LRRC20: variants seen among roughly 807,000 people sequenced by gnomAD.
LRRC20 encodes leucine rich repeat containing 20.
A neutral mutation model predicts 14.4 loss-of-function variants in LRRC20; 11 were observed. That is an observed-to-expected ratio of 0.77 (90% CI 0.48 to 1.27). The LOEUF is 1.27. Ranked by LOEUF, LRRC20 falls within the 50% of genes most tolerant of loss-of-function variation. The pLI, the probability that LRRC20 is intolerant of heterozygous loss-of-function variation, is 0.00. For synonymous variants in LRRC20, 121 were observed against 107.3 expected (o/e 1.13, Z -0.79); for missense variants, 219 against 251.2 (o/e 0.87, Z 0.87).
intron 2 of LRRC20, among the ~76,000 whole-genome samples, chr10:70,372,595 C>T (rs188897818): frequency 0.011 from 1,682 of 151,992 alleles, 37 homozygotes; most frequent in African/African-American, 0.038. Flanking sequence ...GTGCCCGCCA[C>T]CACGCCCGGC....
intron 2 of LRRC20, among the ~76,000 whole-genome samples, chr10:70,355,836 C>CG (rs1293079648): frequency 2.0e-5 from 3 of 152,110 alleles, no homozygotes; most frequent in African/African-American, 7.2e-5. Context: ...GCAAAGCTCA[C>CG]GGGAGCTGCT....
At position 70,380,298 on chromosome 10, in the gene LRRC20, C is replaced by T. The variant is rs199674157; in HGVS notation, c.-64+2251G>A. On this transcript the variant is annotated intron_variant, in intron 1 of 4. Transcript: ENST00000446961. ...CAGAGGATGGAGGATGCTCTGAGTACAGCAAAAATGTGCTCGGGACCCCCA... is the reference window on the plus strand; with the variant it reads ...CAGAGGATGGAGGATGCTCTGAGTATAGCAAAAATGTGCTCGGGACCCCCA... Among the ~76,000 whole-genome samples the T allele has an allele frequency of 2.4e-4, 36 of 152,314 alleles. No individual in the cohort carries two copies. The East Asian group carries it at 6.4e-3, about 27-fold the overall frequency.
intron 4 of LRRC20, among the ~76,000 whole-genome samples, chr10:70,321,596 C>T (rs1019467437): frequency 6.6e-6 from 1 of 152,246 alleles, no homozygotes; most frequent in African/African-American, 2.4e-5. Flanking sequence ...ATCAGTCAAG[C>T]TCTTTCAGGA....
intron 1 of LRRC20, among the ~76,000 whole-genome samples, chr10:70,377,461 A>G (rs975790183): frequency 4.6e-5 from 7 of 152,230 alleles, no homozygotes; most frequent in African/African-American, 1.7e-4. Context: ...GGCCAAGGTC[A>G]AAGTGAGTAA....
intron 1 of LRRC20, among the ~76,000 whole-genome samples, chr10:70,380,772 G>C (rs1844671184): frequency 6.6e-6 from 1 of 152,216 alleles, no homozygotes; most frequent in Non-Finnish European, 1.5e-5. Context: ...ATCCTGGTCC[G>C]GTGAAATGTT....
intron 2 of LRRC20, among the ~76,000 whole-genome samples, chr10:70,363,218 T>C (rs1354167004): frequency 7.3e-6 from 1 of 137,630 alleles, no homozygotes; most frequent in Non-Finnish European, 1.5e-5. Context: ...TTTGAGCCAC[T>C]GCACTCCAGC....
intron 3 of LRRC20, among the ~76,000 whole-genome samples, chr10:70,332,635 C>T (rs746369123): frequency 2.6e-5 from 4 of 152,166 alleles, no homozygotes; most frequent in Non-Finnish European, 5.9e-5. Context: ...CAGAGGGAGA[C>T]CTGTTTCAAA....
intron 2 of LRRC20, among the ~76,000 whole-genome samples, chr10:70,368,958 T>C (rs542528027): frequency 1.3e-5 from 2 of 152,304 alleles, no homozygotes; most frequent in African/African-American, 4.8e-5. Flanking sequence ...CCTACAATCC[T>C]GATGTTGGTT....
At chr10:70,349,621 G>A (rs1468661582) in intron 2 of LRRC20, among the ~76,000 whole-genome samples, 2 of 152,152 alleles carry the variant, frequency 1.3e-5, no homozygotes. Context: ...TAACAGCACT[G>A]AGTATTTGCT....
intron 2 of LRRC20, among the ~76,000 whole-genome samples, chr10:70,345,733 C>T (rs937711024): frequency 4.6e-5 from 7 of 152,118 alleles, no homozygotes; most frequent in African/African-American, 1.7e-4. Flanking sequence ...GTAACCTATC[C>T]AACAAATAAT....
At chr10:70,365,413 T>C (rs1007062395) in intron 2 of LRRC20, among the ~76,000 whole-genome samples, 4 of 152,192 alleles carry the variant, frequency 2.6e-5, no homozygotes, top group East Asian at 3.8e-4. Context: ...GCTTAACCAA[T>C]AACCAAATGA....
chr10:70,334,275 C>G (rs924952809), intron 3 of LRRC20, among the ~76,000 whole-genome samples: 1 of 152,210 alleles, frequency 6.6e-6, no homozygotes, highest in African/African-American at 2.4e-5. Context: ...CCTGCACATT[C>G]CTGAGCCCCC....
intron 2 of LRRC20, among the ~76,000 whole-genome samples, chr10:70,345,450 C>A (rs1843041533): frequency 1.3e-5 from 2 of 151,560 alleles, no homozygotes; most frequent in African/African-American, 4.9e-5. Flanking sequence ...CACAAAGGAA[C>A]AGATCAACAA....
At chr10:70,332,214 GC>G (rs774085196) in intron 3 of LRRC20, among the ~76,000 whole-genome samples, 279 of 152,308 alleles carry the variant, frequency 1.8e-3, no homozygotes, top group Non-Finnish European at 2.5e-3. Context: ...GACAGCTGCT[GC>G]CCACAGGGGT....
chr10:70,371,869 G>A (rs10740340), intron 2 of LRRC20, among the ~76,000 whole-genome samples: 114,640 of 151,912 alleles, frequency 0.75, 43,383 homozygotes, highest in Non-Finnish European at 0.77. Flanking sequence ...TGGGATCCTC[G>A]CCTCGAGTTA....
chr10:70,322,449 TC>T (rs1301110615), intron 4 of LRRC20, among the ~76,000 whole-genome samples: 2 of 152,094 alleles, frequency 1.3e-5, no homozygotes, highest in Non-Finnish European at 2.9e-5. Context: ...GGCAAAGGGC[TC>T]AAAAGCAAGC....
chr10:70,312,498 A>G (rs10823516), intron 4 of LRRC20, among the ~76,000 whole-genome samples: 88,787 of 151,936 alleles, frequency 0.58, 26,188 homozygotes, highest in Middle Eastern at 0.7. Context: ...GGTGGGGCAG[A>G]AGCAAATGGA....
chr10:70,362,545 T>C (rs1272618647), intron 2 of LRRC20, among the ~76,000 whole-genome samples: 1 of 152,226 alleles, frequency 6.6e-6, no homozygotes, highest in Non-Finnish European at 1.5e-5. Flanking sequence ...AATGGGGAGT[T>C]AGAGTGAGGA....
At chr10:70,302,619 T>A (rs184609162) in intron 4 of LRRC20, among the ~76,000 whole-genome samples, 15 of 152,228 alleles carry the variant, frequency 9.9e-5, no homozygotes, top group Admixed American at 9.8e-4. Flanking sequence ...CAGGCTATAG[T>A]CTCAGCTAGT....
Sources: gnomAD v4.1 joint callset for allele counts (sites outside exome capture counted in the v4.1 genomes callset) on GRCh38, gnomAD v4.1.1 for gene constraint, MANE v1.5 for transcripts, NCBI Gene and HGNC (gene_info 2026-07-23, HGNC 2026-07-21) for gene names.